Variants in GRIA4 observed in about 807,000 individuals in gnomAD.
GRIA4 encodes glutamate receptor 4.
GRIA4 carries 34 observed loss-of-function variants against 104.0 expected under a neutral mutation model. The ratio of observed to expected loss-of-function variants is 0.33; its 90% CI spans 0.25 to 0.44. GRIA4 has a LOEUF of 0.44. Among genes scored for constraint, GRIA4 ranks in the 20% least tolerant of loss-of-function variants. The probability of loss-of-function intolerance (pLI) is 1.00; values close to 1 mark genes in which losing one functional copy is unlikely to be tolerated. For synonymous variants in GRIA4, 386 were observed against 381.9 expected, an observed-to-expected ratio of 1.01 and a Z score of -0.13; for missense variants, 750 against 1,096.5, an observed-to-expected ratio of 0.68 and a Z score of 4.46.
intron 4 of GRIA4, among the ~76,000 whole-genome samples, chr11:105,826,417 G>T (rs1943772628): frequency 6.6e-6 from 1 of 152,022 alleles, no homozygotes; most frequent in Non-Finnish European, 1.5e-5. Context: ...TCCAACTGGA[G>T]CTTGTCTGTC....
chr11:105,861,939 C>A, intron 4 of GRIA4, 85 bp from the exon 5 acceptor site: 1 of 766,672 alleles, frequency 1.3e-6, no homozygotes, highest in Non-Finnish European at 2.2e-6. Flanking sequence ...TGGAACATAA[C>A]AGTGTTGATA....
chr11:105,921,966 C>CA (rs1947577590), intron 11 of GRIA4, among the ~76,000 whole-genome samples: 1 of 151,676 alleles, frequency 6.6e-6, no homozygotes, highest in Non-Finnish European at 1.5e-5. Context: ...AAAACACACA[C>CA]AAAAATAATT....
At chr11:105,744,797 T>C (rs1320724437) in intron 3 of GRIA4, among the ~76,000 whole-genome samples, 2 of 152,170 alleles carry the variant, frequency 1.3e-5, no homozygotes, top group African/African-American at 4.8e-5. Context: ...TTAGTAGCTT[T>C]TTCTTTTCCG....
intron 6 of GRIA4, among the ~76,000 whole-genome samples, chr11:105,894,452 T>C (rs1362641220): frequency 1.3e-5 from 2 of 152,168 alleles, no homozygotes; most frequent in Non-Finnish European, 2.9e-5. Flanking sequence ...ATCAATAATC[T>C]GTGTAATACG....
chr11:105,815,775 A>C (rs567594594), intron 4 of GRIA4, among the ~76,000 whole-genome samples: 2 of 152,344 alleles, frequency 1.3e-5, no homozygotes, highest in African/African-American at 4.8e-5. Context: ...TTAAGTTCTC[A>C]ATAAATATTT....
intron 5 of GRIA4, among the ~76,000 whole-genome samples, chr11:105,862,876 T>C (rs1404762843): frequency 1.3e-5 from 2 of 152,122 alleles, no homozygotes; most frequent in African/African-American, 4.8e-5. Flanking sequence ...TAGGAAAATA[T>C]CATCAAATAA....
chr11:105,651,752 T>A (rs1285540542), intron 3 of GRIA4, among the ~76,000 whole-genome samples: 1 of 151,888 alleles, frequency 6.6e-6, no homozygotes, highest in Admixed American at 6.6e-5. Context: ...TATAGTAACA[T>A]TTGTAGTAGC....
chr11:105,663,817 C>A (rs747627530), intron 3 of GRIA4, among the ~76,000 whole-genome samples: 1 of 151,806 alleles, frequency 6.6e-6, no homozygotes, highest in African/African-American at 2.4e-5. Flanking sequence ...ATAATAACAT[C>A]TTCCTGGTGT....
rs149068473 is a variant in GRIA4 at position 105,810,841 on chromosome 11, G to A, written c.488-51183G>A. Among the ~76,000 whole-genome samples, 1,440 of 152,216 alleles carry A rather than the reference G, an allele frequency of 9.5e-3. 31 individuals carry two copies. Among genetic ancestry groups the A allele is most frequent in the African/African-American group, 0.033 (1,371 of 41,524 alleles). On this transcript the variant is annotated intron_variant, in intron 4 of 16. Transcript: ENST00000282499. ...ACTTTTGGCATAAGCCACAAAAAGG[G>A]TAAGTTGTAGGTCGCCTTCTCCAAA... is the stretch of plus-strand genomic sequence containing the variant.
chr11:105,623,217 G>C (rs1950799950), intron 3 of GRIA4, among the ~76,000 whole-genome samples: 1 of 151,578 alleles, frequency 6.6e-6, no homozygotes, highest in Admixed American at 6.6e-5. Context: ...ATTTTCCTGT[G>C]TATAGATACC....
intron 3 of GRIA4, among the ~76,000 whole-genome samples, chr11:105,691,807 C>T (rs1244081846): frequency 2.0e-5 from 3 of 151,612 alleles, no homozygotes; most frequent in African/African-American, 7.3e-5. Flanking sequence ...TGGTGGCAGG[C>T]GCCTGTAATT....
intron 3 of GRIA4, among the ~76,000 whole-genome samples, chr11:105,726,639 C>T (rs886198833): frequency 6.6e-6 from 1 of 152,120 alleles, no homozygotes; most frequent in East Asian, 1.9e-4. Context: ...AGAGCTCTGG[C>T]TGGCATCTGG....
rs113141455 is a variant in GRIA4, at chr11:105,633,308, A to C, written c.247+20874A>C. Among the ~76,000 whole-genome samples, 886 of 152,270 alleles carry C rather than the reference A, an allele frequency of 5.8e-3. 16 individuals carry two copies. Among genetic ancestry groups the C allele is most frequent in the East Asian group, 0.04 (206 of 5,166 alleles). ...TTAGAAGATTTATACATATTTCTACATATTTATTTTTTGTCAAATTCAAAG... is the reference window on the plus strand; with the variant it reads ...TTAGAAGATTTATACATATTTCTACCTATTTATTTTTTGTCAAATTCAAAG... On this transcript the variant is annotated intron_variant, in intron 3 of 16. Coordinates refer to ENST00000282499, the MANE Select transcript of GRIA4 (RefSeq NM_000829.4).
At chr11:105,717,439 T>G (rs1773083838) in intron 3 of GRIA4, among the ~76,000 whole-genome samples, 1 of 152,140 alleles carries the variant, frequency 6.6e-6, no homozygotes, top group Non-Finnish European at 1.5e-5. Context: ...TAAATCTCAC[T>G]ATCTCTCCAA....
intron 4 of GRIA4, among the ~76,000 whole-genome samples, chr11:105,798,357 A>G (rs1051935524): frequency 6.6e-6 from 1 of 152,108 alleles, no homozygotes; most frequent in Non-Finnish European, 1.5e-5. Context: ...GGGCAGGAGG[A>G]ACACCAAATG....
intron 4 of GRIA4, among the ~76,000 whole-genome samples, chr11:105,802,749 T>C (rs1345259936): frequency 6.7e-6 from 1 of 149,654 alleles, no homozygotes; most frequent in African/African-American, 2.5e-5. Flanking sequence ...TCCTACAAGG[T>C]AGTTAATTAC....
intron 4 of GRIA4, among the ~76,000 whole-genome samples, chr11:105,766,370 A>G (rs1207511972): frequency 6.6e-6 from 1 of 152,182 alleles, no homozygotes; most frequent in Admixed American, 6.6e-5. Context: ...TTATCTATGC[A>G]TGGTAGTTGA....
intron 4 of GRIA4, among the ~76,000 whole-genome samples, chr11:105,803,861 A>AAAAAAAAAG (rs1555012818): frequency 6.8e-6 from 1 of 147,002 alleles, no homozygotes; most frequent in African/African-American, 2.6e-5. Context: ...AAAAAAAAAA[A>AAAAAAAAAG]AGAGAGAGAG....
chr11:105,678,348 T>G (rs1209451796), intron 3 of GRIA4, among the ~76,000 whole-genome samples: 3 of 151,982 alleles, frequency 2.0e-5, no homozygotes, highest in Non-Finnish European at 4.4e-5. Context: ...CCTTACCCAT[T>G]ATCTTCACTG....
Sources: allele counts gnomAD v4.1 joint callset (sites outside exome capture counted in the v4.1 genomes callset), GRCh38; gene constraint gnomAD v4.1.1; transcripts MANE v1.5; gene names NCBI Gene and HGNC (gene_info 2026-07-23, HGNC 2026-07-21).